SUMF1: variants seen among roughly 807,000 people sequenced by gnomAD.
SUMF1 encodes formylglycine-generating enzyme.
Under a neutral mutation model 47.6 loss-of-function variants are expected in SUMF1, and 48 were observed. The observed-to-expected ratio is 1.01, with a 90% CI of 0.80 to 1.28. SUMF1 has a LOEUF of 1.28. Among genes scored for constraint, SUMF1 ranks in the 50% most tolerant of loss-of-function variants. The pLI is 0.00. For missense variants in SUMF1, 571 were observed against 485.4 expected (o/e 1.18, Z -1.66); for synonymous variants, 230 against 192.1 (o/e 1.20, Z -1.63).
intron 8 of SUMF1, among the ~76,000 whole-genome samples, chr3:4,177,817 G>C (rs1237545312): frequency 6.6e-6 from 1 of 151,958 alleles, no homozygotes. Context: ...GAAGAAAAGA[G>C]AGAAGAATCA....
chr3:4,290,522 C>T (rs138339635), intron 8 of SUMF1, among the ~76,000 whole-genome samples: 17 of 152,248 alleles, frequency 1.1e-4, no homozygotes, highest in African/African-American at 3.6e-4. Context: ...ATTTTAAGAA[C>T]GAGAAGGTAA....
chr3:4,441,866 G>A (rs711641), intron 3 of SUMF1, among the ~76,000 whole-genome samples: 2 of 151,928 alleles, frequency 1.3e-5, no homozygotes, highest in Non-Finnish European at 2.9e-5. Context: ...TTTGAATCTC[G>A]CCTCTCTACG....
intron 8 of SUMF1, among the ~76,000 whole-genome samples, chr3:4,308,631 A>G (rs1387547234): frequency 1.3e-5 from 2 of 152,138 alleles, no homozygotes; most frequent in African/African-American, 2.4e-5. Flanking sequence ...CAGAATCACA[A>G]TGCTAATAAG....
intron 8 of SUMF1, among the ~76,000 whole-genome samples, chr3:4,071,596 TG>T (rs1695527006): frequency 2.0e-5 from 3 of 152,290 alleles, no homozygotes; most frequent in Admixed American, 2.0e-4. Context: ...TGAGACGACC[TG>T]GGATGCTGGA....
intron 7 of SUMF1, among the ~76,000 whole-genome samples, chr3:4,382,776 T>C (rs559556035): frequency 1.4e-4 from 21 of 151,002 alleles, no homozygotes; most frequent in African/African-American, 4.1e-4. Flanking sequence ...TGCAGGGACA[T>C]GGATGAAGCT....
chr3:4,042,253 CATCT>C (rs143004307), intron 9 of SUMF1, among the ~76,000 whole-genome samples: 1 of 152,200 alleles, frequency 6.6e-6, no homozygotes, highest in Non-Finnish European at 1.5e-5. Flanking sequence ...TAATGAGGTA[CATCT>C]ATTATGTCAC....
At chr3:4,234,738 G>A (rs982940829) in intron 8 of SUMF1, among the ~76,000 whole-genome samples, 2 of 152,116 alleles carry the variant, frequency 1.3e-5, no homozygotes, top group Non-Finnish European at 2.9e-5. Context: ...AGATGCAGAA[G>A]ATGAGAATGG....
chr3:4,302,097 G>T (rs1342051977), intron 8 of SUMF1, among the ~76,000 whole-genome samples: 2 of 152,220 alleles, frequency 1.3e-5, no homozygotes, highest in Non-Finnish European at 2.9e-5. Context: ...GGTCAGAAGG[G>T]TTTGTGAACC....
intron 8 of SUMF1, among the ~76,000 whole-genome samples, chr3:4,329,268 G>A (rs1699003508): frequency 6.6e-6 from 1 of 152,242 alleles, no homozygotes; most frequent in South Asian, 2.1e-4. Flanking sequence ...ACTCTGTGTG[G>A]TGGCTCCAAC....
chr3:4,106,077 C>A (rs919144262), intron 8 of SUMF1, among the ~76,000 whole-genome samples: 2 of 151,920 alleles, frequency 1.3e-5, no homozygotes, highest in South Asian at 4.2e-4. Context: ...CCTCTACCAA[C>A]AAACTTTTCA....
chr3:4,244,192 A>G (rs1043565745), intron 8 of SUMF1, among the ~76,000 whole-genome samples: 2 of 151,914 alleles, frequency 1.3e-5, no homozygotes, highest in East Asian at 1.9e-4. Flanking sequence ...TACTCCACCA[A>G]TGAGTCTTTA....
intron 8 of SUMF1, among the ~76,000 whole-genome samples, chr3:4,130,518 T>C (rs1279059495): frequency 6.6e-6 from 1 of 152,142 alleles, no homozygotes; most frequent in East Asian, 1.9e-4. Context: ...GCTGATTGGA[T>C]CCAGTAAGTA....
intron 8 of SUMF1, among the ~76,000 whole-genome samples, chr3:4,354,029 A>G (rs538077627): frequency 2.0e-5 from 3 of 151,926 alleles, no homozygotes; most frequent in East Asian, 3.9e-4. Context: ...TAATTTTTCT[A>G]TTTTTTGTAG....
chr3:4,066,416 A>T lies in SUMF1; in HGVS notation c.1191+2153T>A, dbSNP rs1402882883. On this transcript the variant is annotated intron_variant and NMD_transcript_variant, in intron 9 of 12. Transcript: ENST00000448413. ...ACCAACCAAATTGTCTCATAGAATGATGTTTATGGTTCTTGAATAAACATA... is the reference window on the plus strand; with the variant it reads ...ACCAACCAAATTGTCTCATAGAATGTTGTTTATGGTTCTTGAATAAACATA... 3.9e-5 allele frequency among the ~76,000 whole-genome samples: 6 copies of T among 152,268 alleles called. No individual in the cohort carries two copies. The East Asian group carries it at 1.2e-3, about 29-fold the overall frequency.
chr3:4,320,562 G>A (rs541463277), intron 8 of SUMF1, among the ~76,000 whole-genome samples: 12 of 152,060 alleles, frequency 7.9e-5, no homozygotes, highest in Non-Finnish European at 1.6e-4. Flanking sequence ...TTGAAGGGGA[G>A]GTGATGACAG....
chr3:4,362,388 T>C, intron 8 of SUMF1, 134 bp from the exon 9 acceptor site: 1 of 749,948 alleles, frequency 1.3e-6, no homozygotes, highest in Non-Finnish European at 2.3e-6. Context: ...TTAACATGTA[T>C]GCTTTAAAAA....
intron 8 of SUMF1, among the ~76,000 whole-genome samples, chr3:4,102,679 G>T (rs1341332763): frequency 6.6e-6 from 1 of 152,056 alleles, no homozygotes; most frequent in South Asian, 2.1e-4. Context: ...TATGATTGTG[G>T]TTATTTGTGT....
At chr3:4,236,976 T>A (rs1009130362) in intron 8 of SUMF1, among the ~76,000 whole-genome samples, 1 of 152,170 alleles carries the variant, frequency 6.6e-6, no homozygotes, top group Non-Finnish European at 1.5e-5. Context: ...GAATGTCATA[T>A]AATAGAAATT....
At position 4,420,076 on chromosome 3, in the gene SUMF1, G is replaced by A. The variant is rs2125041814; in HGVS notation, c.590C>T (p.Thr197Ile). 6.2e-7 allele frequency: 1 copy of A among 1,614,052 alleles called. No homozygotes were observed. The highest frequency in any genetic ancestry group is 8.5e-7 in the Non-Finnish European group (1 of 1,179,922). ...NWRHPEGPDSTILHRPDHPVL... is the reference protein window; with the variant it reads ...NWRHPEGPDSIILHRPDHPVL... ...GGACCAGCCTCACCTGTGCAGAATA[G>A]TAGAGTCAGGCCCTTCTGGGTGTCT... The change falls in exon 4 of 9, where the codon ACT becomes ATT. Residue 197 changes from threonine to isoleucine, a missense_variant. Transcript: ENST00000272902.
Sources: gnomAD v4.1 joint callset for allele counts (sites outside exome capture counted in the v4.1 genomes callset) on GRCh38, gnomAD v4.1.1 for gene constraint, MANE v1.5 for transcripts, NCBI Gene and HGNC (gene_info 2026-07-23, HGNC 2026-07-21) for gene names.